The following PEBP4 variants were observed in gnomAD, a reference collection of about 807,000 sequenced individuals.
PEBP4 encodes the protein phosphatidylethanolamine binding protein 4.
In PEBP4, 22 loss-of-function variants were observed where a neutral mutation model predicts 23.9. That is an observed-to-expected ratio of 0.92 (90% CI 0.66 to 1.31). The LOEUF (loss-of-function observed/expected upper bound fraction) is 1.31, where lower values mean the gene tolerates loss of function less well. Among genes scored for constraint, PEBP4 ranks in the 40% most tolerant of loss-of-function variants. PEBP4 has a pLI of 0.00. For missense variants in PEBP4, 324 were observed against 281.7 expected (o/e 1.15, Z -1.07); for synonymous variants, 112 against 99.3 (o/e 1.13, Z -0.76).
chr8:22,713,663 G>A (rs530176996), intron 6 of PEBP4, 127 bp from the exon 7 acceptor site: 21 of 1,336,170 alleles, frequency 1.6e-5, no homozygotes, highest in Middle Eastern at 2.5e-4. Flanking sequence ...GCCATGGGGC[G>A]TAGTGGCTGG....
chr8:22,753,383 C>G (rs1023408641), intron 4 of PEBP4, among the ~76,000 whole-genome samples: 1 of 152,192 alleles, frequency 6.6e-6, no homozygotes, highest in Non-Finnish European at 1.5e-5. Flanking sequence ...GCCGCATGAA[C>G]TTTGACAAGG....
rs1467263198 is a variant in PEBP4, at chr8:22,897,048, T to C, written c.258+23136A>G. The stretch of plus-strand genomic sequence containing the variant: ...GTGTATGTGTGTGTGTGTGTGTGTA[T>C]GTATATATATATAATCCAAATATAC... On this transcript the variant is annotated intron_variant, in intron 3 of 6. Transcript: ENST00000256404. 2.0e-5 allele frequency among the ~76,000 whole-genome samples: 3 copies of C among 151,938 alleles called. No individual in the cohort carries two copies. The East Asian group carries it at 5.8e-4, about 29-fold the overall frequency.
In PEBP4 at chr8:22,827,135, C is replaced by G. The variant is rs538498030; in HGVS notation, c.259-9400G>C. Among the ~76,000 whole-genome samples the G allele has an allele frequency of 1.8e-4, 27 of 152,146 alleles. No homozygotes were observed. The South Asian group carries it at 5.2e-3, about 29-fold the overall frequency. On this transcript the variant is annotated intron_variant, in intron 3 of 6. Transcript: ENST00000256404. Reference sequence around the variant, plus strand: ...AGGGCATGAGCAAGGTGTAGGAAGCCACATTAACAAATCACAATACTTTGG... The same window carrying G: ...AGGGCATGAGCAAGGTGTAGGAAGCGACATTAACAAATCACAATACTTTGG...
chr8:22,857,804 C>T (rs1045690926), intron 3 of PEBP4, among the ~76,000 whole-genome samples: 2 of 152,128 alleles, frequency 1.3e-5, no homozygotes, highest in Non-Finnish European at 2.9e-5. Context: ...ATGGTTAAGG[C>T]AGCATACCAA....
intron 1 of PEBP4, among the ~76,000 whole-genome samples, chr8:22,937,811 T>G (rs1161026631): frequency 6.6e-6 from 1 of 152,026 alleles, no homozygotes; most frequent in Admixed American, 6.6e-5. Flanking sequence ...TGTGTGTGTG[T>G]GTGTGTGTGT....
intron 2 of PEBP4, chr8:22,925,126 T>C: frequency 6.1e-6 from 6 of 985,390 alleles, no homozygotes; most frequent in Non-Finnish European, 7.2e-6. Flanking sequence ...TTTCATTTCA[T>C]CATCATTCAT....
At chr8:22,828,351 A>T (rs1385699997) in intron 3 of PEBP4, among the ~76,000 whole-genome samples, 1 of 152,142 alleles carries the variant, frequency 6.6e-6, no homozygotes, top group Non-Finnish European at 1.5e-5. Flanking sequence ...CCTCAACCTC[A>T]TCACTGTGCC....
chr8:22,925,404 T>C (rs958838613), intron 2 of PEBP4: 1 of 850,754 alleles, frequency 1.2e-6, no homozygotes, highest in African/African-American at 1.8e-5. Context: ...GGGGGCTAGA[T>C]CTTGGCTCTG....
intron 3 of PEBP4, among the ~76,000 whole-genome samples, chr8:22,896,833 C>T (rs1437539735): frequency 6.6e-6 from 1 of 151,840 alleles, no homozygotes. Flanking sequence ...CTCACTAGTT[C>T]TCTATGTATA....
At chr8:22,868,120 G>C (rs952816126) in intron 3 of PEBP4, among the ~76,000 whole-genome samples, 1 of 152,182 alleles carries the variant, frequency 6.6e-6, no homozygotes, top group Non-Finnish European at 1.5e-5. Context: ...CCTCTGTTTA[G>C]CTGCCTTGTC....
chr8:22,879,864 A>G (rs1406160216), intron 3 of PEBP4, among the ~76,000 whole-genome samples: 1 of 152,134 alleles, frequency 6.6e-6, no homozygotes, highest in Non-Finnish European at 1.5e-5. Context: ...GAAGAAAAAA[A>G]TTTTCTGGTG....
chr8:22,795,727 A>C (rs905908748), intron 4 of PEBP4, among the ~76,000 whole-genome samples: 4 of 152,236 alleles, frequency 2.6e-5, no homozygotes, highest in African/African-American at 9.6e-5. Flanking sequence ...GTATCTCTCC[A>C]AATATTCAAG....
At chr8:22,840,099 T>A (rs1563233208) in intron 3 of PEBP4, among the ~76,000 whole-genome samples, 1 of 152,214 alleles carries the variant, frequency 6.6e-6, no homozygotes, top group Non-Finnish European at 1.5e-5. Context: ...TCCATACCCA[T>A]CAGAAGATTT....
chr8:22,939,568 G>A (rs1809582274), intron 1 of PEBP4, among the ~76,000 whole-genome samples: 1 of 151,938 alleles, frequency 6.6e-6, no homozygotes, highest in Non-Finnish European at 1.5e-5. Context: ...TAAGAAATGG[G>A]AGGAAGGAAT....
chr8:22,924,834 A>G (rs1261888478), intron 2 of PEBP4: 2 of 985,268 alleles, frequency 2.0e-6, no homozygotes, highest in African/African-American at 1.7e-5. Flanking sequence ...TGTCTGGGGT[A>G]TCTCAGAAGC....
intron 4 of PEBP4, among the ~76,000 whole-genome samples, chr8:22,791,417 C>CT (rs879819696): frequency 2.6e-5 from 4 of 152,130 alleles, no homozygotes; most frequent in Non-Finnish European, 5.9e-5. Flanking sequence ...AATTTGGTAG[C>CT]TTTTAGAAAG....
rs1489555113 is a variant in PEBP4 at position 22,817,676 on chromosome 8, T to C, written c.318A>G (p.Arg106=). Residue 106 remains arginine (R), a synonymous_variant, in exon 4 of 7, where the codon AGA becomes AGG. Transcript: ENST00000256404. ...CCAGCCAATGTCTCCAGAATCTCTG[T>C]CTGGGTTCTGCTCTGCTAGGGGCAT... ...DPDAPSRAEP[R]QRFWRHWLVT... The C allele has an allele frequency of 6.2e-7, 1 of 1,614,234 alleles. No individual in the cohort carries two copies. The highest frequency in any genetic ancestry group is 8.5e-7 in the Non-Finnish European group (1 of 1,180,032).
At chr8:22,729,265 T>C (rs983553298) in intron 4 of PEBP4, among the ~76,000 whole-genome samples, 2 of 152,264 alleles carry the variant, frequency 1.3e-5, no homozygotes, top group Admixed American at 6.5e-5. Flanking sequence ...TGGAGAGTTC[T>C]AGGGCTGAGC....
At chr8:22,861,795 G>T (rs982678381) in intron 3 of PEBP4, among the ~76,000 whole-genome samples, 1 of 152,152 alleles carries the variant, frequency 6.6e-6, no homozygotes, top group Admixed American at 6.5e-5. Context: ...AGAGGTATGG[G>T]GTAGGGGTGG....
Sources: gnomAD v4.1 joint callset for allele counts (sites outside exome capture counted in the v4.1 genomes callset) on GRCh38, gnomAD v4.1.1 for gene constraint, MANE v1.5 for transcripts, NCBI Gene and HGNC (gene_info 2026-07-23, HGNC 2026-07-21) for gene names.